Variants in HEMK2 observed in about 807,000 individuals in gnomAD.
The protein encoded by HEMK2 is HemK methyltransferase 2, ETF1 glutamine and histone H4 lysine, also known as methyltransferase HEMK2.
chr21:28,843,201 A>C, the HEMK2 span, among the ~76,000 whole-genome samples: 6 of 152,112 alleles, frequency 3.9e-5, no homozygotes. Context: ...GTCCATTTTC[A>C]CACTGCTATA....
At chr21:28,609,874 T>A in the HEMK2 span, among the ~76,000 whole-genome samples, 5 of 152,018 alleles carry the variant, frequency 3.3e-5, no homozygotes, top group African/African-American at 1.2e-4. Flanking sequence ...AAAAATTTTT[T>A]TAAAGAACAA....
the HEMK2 span, among the ~76,000 whole-genome samples, chr21:28,673,027 AGAAAGG>A: frequency 6.6e-6 from 1 of 150,970 alleles, no homozygotes; most frequent in South Asian, 2.1e-4. Context: ...AGAAAGAAAG[AGAAAGG>A]AGAGAGGGAG....
chr21:28,638,507 G>A, the HEMK2 span, among the ~76,000 whole-genome samples: 1,734 of 152,284 alleles, frequency 0.011, 29 homozygotes, highest in African/African-American at 0.039. Flanking sequence ...GCATTCTGCC[G>A]TTTTAAGCAA....
the HEMK2 span, among the ~76,000 whole-genome samples, chr21:28,702,263 G>C: frequency 6.6e-6 from 1 of 151,806 alleles, no homozygotes; most frequent in Admixed American, 6.6e-5. Context: ...TCTGGAAATA[G>C]GACCTGGCAA....
At chr21:28,677,645 C>T in the HEMK2 span, among the ~76,000 whole-genome samples, 2 of 152,190 alleles carry the variant, frequency 1.3e-5, no homozygotes, top group Admixed American at 1.3e-4. Flanking sequence ...GGAGGCACCC[C>T]CCAGTAGGGG....
chr21:28,704,529 A>T, the HEMK2 span, among the ~76,000 whole-genome samples: 1 of 149,360 alleles, frequency 6.7e-6, no homozygotes, highest in Admixed American at 6.7e-5. Flanking sequence ...TCATACCATG[A>T]TATTCAGCAT....
the HEMK2 span, among the ~76,000 whole-genome samples, chr21:28,617,479 A>T: frequency 2.6e-5 from 4 of 152,222 alleles, no homozygotes; most frequent in African/African-American, 9.6e-5. Context: ...ACTTACTGCT[A>T]ATCAGCCAAC....
chr21:28,778,048 T>A, the HEMK2 span, among the ~76,000 whole-genome samples: 1 of 152,214 alleles, frequency 6.6e-6, no homozygotes, highest in African/African-American at 2.4e-5. Flanking sequence ...TACATATTTA[T>A]GGTGGACAAC....
chr21:28,667,577 C>T, the HEMK2 span, among the ~76,000 whole-genome samples: 1 of 141,438 alleles, frequency 7.1e-6, no homozygotes, highest in Admixed American at 7.1e-5. Context: ...GTGATTATTT[C>T]ACATTGCATC....
At chr21:28,686,423 T>C in the HEMK2 span, among the ~76,000 whole-genome samples, 2 of 151,962 alleles carry the variant, frequency 1.3e-5, no homozygotes, top group Non-Finnish European at 2.9e-5. Flanking sequence ...TTAGTAGACA[T>C]GGGGTTTCAC....
At chr21:28,711,301 G>A in the HEMK2 span, among the ~76,000 whole-genome samples, 1 of 152,106 alleles carries the variant, frequency 6.6e-6, no homozygotes, top group African/African-American at 2.4e-5. Context: ...AGGGCTGGGG[G>A]GCATTGCAGA....
chr21:28,875,258 T>G, the HEMK2 span: 2 of 152,266 alleles, frequency 1.3e-5, no homozygotes, highest in African/African-American at 4.8e-5. Flanking sequence ...ACTTTGTGCG[T>G]TGGTGGCTCA....
At chr21:28,582,243 C>A in the HEMK2 span, among the ~76,000 whole-genome samples, 7 of 152,148 alleles carry the variant, frequency 4.6e-5, no homozygotes, top group East Asian at 1.3e-3. Flanking sequence ...TTATTAGTCT[C>A]GCTTTGTTCC....
the HEMK2 span, among the ~76,000 whole-genome samples, chr21:28,877,460 AG>A: frequency 6.6e-6 from 1 of 151,300 alleles, no homozygotes; most frequent in East Asian, 1.9e-4. Flanking sequence ...GACAGAAGGA[AG>A]GAAAAAAAGA....
the HEMK2 span, among the ~76,000 whole-genome samples, chr21:28,831,064 A>G: frequency 6.6e-6 from 1 of 152,060 alleles, no homozygotes; most frequent in Non-Finnish European, 1.5e-5. Context: ...TCAGTAAAGG[A>G]GTAGAAATCA....
At chr21:28,616,740 A>G in the HEMK2 span, among the ~76,000 whole-genome samples, 2 of 152,206 alleles carry the variant, frequency 1.3e-5, no homozygotes, top group Non-Finnish European at 2.9e-5. Context: ...CTACCCTACA[A>G]GTACCATTTG....
the HEMK2 span, among the ~76,000 whole-genome samples, chr21:28,863,465 T>C: frequency 0.039 from 3,341 of 85,320 alleles, 305 homozygotes; most frequent in African/African-American, 0.15. Context: ...TATATATATA[T>C]ATATACTTCA....
At chr21:28,846,259 T>C in the HEMK2 span, among the ~76,000 whole-genome samples, 2 of 152,284 alleles carry the variant, frequency 1.3e-5, no homozygotes, top group African/African-American at 2.4e-5. Context: ...AATGAACATA[T>C]GCATTCATGT....
chr21:28,760,010 T>C, the HEMK2 span, among the ~76,000 whole-genome samples: 1 of 150,238 alleles, frequency 6.7e-6, no homozygotes, highest in African/African-American at 2.5e-5. Context: ...AAGGACTGAA[T>C]TGCCATCACT....
Sources: gnomAD v4.1 joint callset for allele counts (sites outside exome capture counted in the v4.1 genomes callset) on GRCh38, gnomAD v4.1.1 for gene constraint, MANE v1.5 for transcripts, NCBI Gene and HGNC (gene_info 2026-07-23, HGNC 2026-07-21) for gene names.